Variants in MED23 observed in about 807,000 individuals in gnomAD.
MED23 encodes mediator of RNA polymerase II transcription subunit 23.
A neutral mutation model predicts 163.9 loss-of-function variants in MED23; 105 were observed. That is an observed-to-expected ratio of 0.64 (90% confidence interval 0.55 to 0.75). MED23 has a LOEUF of 0.75. Ranked by LOEUF, MED23 falls within the 30% of genes least tolerant of loss-of-function variation. The pLI, the probability that MED23 is intolerant of heterozygous loss-of-function variation, is 0.00. For missense variants in MED23, 1,054 were observed against 1,649.0 expected, an observed-to-expected ratio of 0.64 and a Z score of 6.25; for synonymous variants, 561 against 565.6, an observed-to-expected ratio of 0.99 and a Z score of 0.12.
At chr6:131,606,086 T>C (rs1585515483) in intron 13 of MED23, among the ~76,000 whole-genome samples, 1 of 152,332 alleles carries the variant, frequency 6.6e-6, no homozygotes, top group South Asian at 2.1e-4. Context: ...ATCAGCTCAA[T>C]CAATCCTGGC....
intron 10 of MED23, among the ~76,000 whole-genome samples, chr6:131,615,017 T>A (rs1374655991): frequency 9.5e-6 from 1 of 104,982 alleles, no homozygotes; most frequent in East Asian, 3.0e-4. Context: ...AAATAAACCA[T>A]CAAAAAGTGA....
chr6:131,612,150 T>A (rs907018349), intron 10 of MED23, among the ~76,000 whole-genome samples: 1 of 152,090 alleles, frequency 6.6e-6, no homozygotes, highest in Admixed American at 6.5e-5. Flanking sequence ...CTCCGGTACC[T>A]GATGGTAGCA....
In MED23 at chr6:131,593,007, T is replaced by A; in HGVS notation, c.3397A>T (p.Ser1133Cys). 1 of 1,614,110 alleles carries A rather than the reference T, an allele frequency of 6.2e-7. No individual in the cohort carries two copies. The highest frequency in any genetic ancestry group is 8.5e-7 in the Non-Finnish European group (1 of 1,179,968). Residue 1133 changes from serine to cysteine, a missense_variant and splice_region_variant, in exon 24 of 29, where the codon AGT becomes TGT. By Grantham distance (112) the Ser-to-Cys change is moderately radical (BLOSUM62 -1). This residue lies in a region of MED23 where 362 missense variants were observed against 471.6 expected (regional missense o/e 0.77). Coordinates refer to ENST00000368068, the MANE Select transcript of MED23 (RefSeq NM_004830.4). ...GNALLNVVLK[S>C]QPLVPRENIT... is the part of the protein sequence containing the mutation. ...TACTGCATGAACCAGAATACATACC[T>A]TTTTAGGACAACATTTAGAAGGGCA...
chr6:131,620,860 T>G (rs1038716428), intron 6 of MED23, 131 bp from the exon 7 acceptor site: 2 of 559,576 alleles, frequency 3.6e-6, no homozygotes, highest in Admixed American at 3.3e-5. Context: ...TGGAGTGCAG[T>G]GGCGTAATCA....
intron 10 of MED23, among the ~76,000 whole-genome samples, chr6:131,612,221 T>C (rs115250727): frequency 0.019 from 2,889 of 152,050 alleles, 102 homozygotes; most frequent in African/African-American, 0.065. Context: ...CCAAGGATAT[T>C]TCTCAAATCA....
At chr6:131,627,504 T>G in intron 2 of MED23, 21 bp from the exon 3 acceptor site, 1 of 1,605,072 alleles carries the variant, frequency 6.2e-7, no homozygotes, top group Non-Finnish European at 8.5e-7. Context: ...AAAAATTACA[T>G]TATTTGTCAT....
At chr6:131,615,680 G>C (rs1362315163) in intron 10 of MED23, 2 of 615,030 alleles carry the variant, frequency 3.3e-6, no homozygotes, top group African/African-American at 1.9e-5. Context: ...AGAAAAAAAA[G>C]CAATGCAAAA....
rs551511387 is a variant in MED23, at chr6:131,617,552, T to C, written c.780+855A>G. Among the ~76,000 whole-genome samples, 7 of 152,226 alleles carry C rather than the reference T, an allele frequency of 4.6e-5. No individual in the cohort carries two copies. The East Asian group carries it at 1.2e-3, about 25-fold the overall frequency. On this transcript the variant is annotated intron_variant, in intron 9 of 28. Transcript: ENST00000368068. ...CTACCAGAATGTCTTTGTTTACTGT[T>C]CCTTTCTTCATTTTAACAGTAAAAT... is the stretch of plus-strand genomic sequence containing the variant.
Position 131,600,084 on chromosome 6 carries a change from TGAG to T in MED23, c.2171_2173del (p.Pro724del). The T allele has an allele frequency of 6.2e-7, 1 of 1,613,978 alleles. No homozygotes were observed. Among genetic ancestry groups the T allele is most frequent in the Non-Finnish European group, 8.5e-7 (1 of 1,179,914 alleles). The stretch of plus-strand genomic sequence containing the variant: ...GCTCAGGGTGTGTGAAGCCCAATTA[TGAG>T]GAGTGAAACTCATGATGGTCTGAAG... On this transcript the variant is annotated inframe_deletion, in exon 18 of 29. Coordinates refer to ENST00000368068, the MANE Select transcript of MED23 (RefSeq NM_004830.4).
intron 15 of MED23, 151 bp downstream of exon 15, chr6:131,604,027 C>A: frequency 1.3e-6 from 1 of 766,840 alleles, no homozygotes; most frequent in Non-Finnish European, 2.2e-6. Context: ...TATCATCTGA[C>A]ATATTGTATA....
chr6:131,600,872 T>C (rs935892167), intron 17 of MED23, among the ~76,000 whole-genome samples: 1 of 152,200 alleles, frequency 6.6e-6, no homozygotes, highest in African/African-American at 2.4e-5. Flanking sequence ...CTCCAGCACA[T>C]GCACTCAGTG....
rs755903419 is a variant in MED23 at position 131,627,690 on chromosome 6, A to C, written c.40-18T>G. 2.8e-5 allele frequency: 44 copies of C among 1,591,454 alleles called. No individual in the cohort carries two copies. Among genetic ancestry groups the C allele is most frequent in the Middle Eastern group, 3.3e-4 (2 of 6,012 alleles). ...TCCGTTTTCTGTAAAAAAAAAAAAA[A>C]CAAAATGTAAACAATGTTAATTTTA... On this transcript the variant is annotated intron_variant, in intron 1 of 28. Coordinates refer to ENST00000368068, the MANE Select transcript of MED23 (RefSeq NM_004830.4).
Position 131,598,233 on chromosome 6 carries a change from T to TC in MED23, c.2607+53_2607+54insG. ...ATAGAGCAGATTGGCATAACATATA[T>TC]TAGTCATACATCTTGATCTAAGAGA... On this transcript the variant is annotated intron_variant, in intron 20 of 28. Coordinates refer to ENST00000368068, the MANE Select transcript of MED23 (RefSeq NM_004830.4). The surrounding 1 kb of genome is among the most constrained non-coding windows in gnomAD (Gnocchi z 4.7). 1 of 1,502,836 alleles carries TC rather than the reference T, an allele frequency of 6.7e-7. No homozygotes were observed. The highest frequency in any genetic ancestry group is 1.4e-5 in the African/African-American group (1 of 72,774). The allele number at this position is 1,502,836 out of a possible 1,614,324, so 93.1% of individuals were successfully genotyped here. A position where few individuals can be genotyped will look rare whatever the true frequency, so the allele number is the denominator to read the frequency against.
chr6:131,602,931 A>AAT (rs1775594355), intron 16 of MED23, 99 bp downstream of exon 16: 3 of 930,000 alleles, frequency 3.2e-6, no homozygotes, highest in Admixed American at 2.8e-5. Flanking sequence ...GAATAATAAT[A>AAT]AAAAAAAAAA....
Position 131,587,262 on chromosome 6 carries a change from T to C in MED23, c.*417A>G, listed in dbSNP as rs1186052479. The C allele has an allele frequency of 1.9e-6, 2 of 1,029,292 alleles. No individual in the cohort carries two copies. The highest frequency in any genetic ancestry group is 2.4e-6 in the Non-Finnish European group (2 of 842,452). The allele number at this position is 1,029,292 out of a possible 1,614,324, so 63.8% of individuals were successfully genotyped here. On this transcript the variant is annotated 3_prime_UTR_variant, in exon 29 of 29. Coordinates refer to ENST00000368068, the MANE Select transcript of MED23 (RefSeq NM_004830.4). Reference sequence around the variant, plus strand: ...TCTACCAAGAGATTTATGTATAAAATATTTGTAATAACTGTTTTACATGTG... The same window carrying C: ...TCTACCAAGAGATTTATGTATAAAACATTTGTAATAACTGTTTTACATGTG...
rs1249539635 is a variant in MED23 at position 131,587,448 on chromosome 6, T to G, written c.*231A>C. On this transcript the variant is annotated 3_prime_UTR_variant, in exon 29 of 29. Transcript: ENST00000368068. The stretch of plus-strand genomic sequence containing the variant: ...CCTACATAGCTCTAATAAGTTGTTA[T>G]GAATATGAACAACATGTATCTTACT... 7.3e-7 allele frequency: 1 copy of G among 1,361,604 alleles called. No homozygotes were observed. The highest frequency in any genetic ancestry group is 3.1e-5 in the Admixed American group (1 of 31,962). The allele number at this position is 1,361,604 out of a possible 1,614,324, so 84.3% of individuals were successfully genotyped here. A position where few individuals can be genotyped will look rare whatever the true frequency, so the allele number is the denominator to read the frequency against.
At chr6:131,595,137 G>A (rs1237092145) in intron 22 of MED23, among the ~76,000 whole-genome samples, 1 of 152,190 alleles carries the variant, frequency 6.6e-6, no homozygotes, top group Non-Finnish European at 1.5e-5. Flanking sequence ...CAGAGTGGCT[G>A]CTCCAGGACC....
intron 16 of MED23, 58 bp from the exon 17 acceptor site, chr6:131,602,439 T>C (rs1775554257): frequency 6.7e-7 from 1 of 1,488,226 alleles, no homozygotes; most frequent in Non-Finnish European, 9.3e-7. Flanking sequence ...TGGAATTAAA[T>C]CTAAGGTTAA....
At chr6:131,621,330 AT>A (rs1204360123) in intron 6 of MED23, among the ~76,000 whole-genome samples, 3 of 152,006 alleles carry the variant, frequency 2.0e-5, no homozygotes, top group South Asian at 2.1e-4. Flanking sequence ...TTATAAAAAA[AT>A]AAGTATATAT....
Sources: allele counts gnomAD v4.1 joint callset (sites outside exome capture counted in the v4.1 genomes callset), GRCh38; gene constraint gnomAD v4.1.1; regional missense constraint gnomAD v4.1.1; non-coding constraint Gnocchi (gnomAD v3.1); transcripts MANE v1.5; gene names NCBI Gene and HGNC (gene_info 2026-07-23, HGNC 2026-07-21).